ZNF407: variants seen among roughly 807,000 people sequenced by gnomAD.
The protein encoded by ZNF407 is zinc finger protein 407.
Under a neutral mutation model 131.2 loss-of-function variants are expected in ZNF407, and 17 were observed. The ratio of observed to expected loss-of-function variants is 0.13; its 90% CI spans 0.09 to 0.19. The LOEUF (loss-of-function observed/expected upper bound fraction) is 0.19. Among genes scored for constraint, ZNF407 ranks in the 10% least tolerant of loss-of-function variants. The probability of loss-of-function intolerance (pLI) is 1.00; values close to 1 mark genes in which losing one functional copy is unlikely to be tolerated. For missense variants in ZNF407, 2,681 were observed against 2,830.6 expected, an observed-to-expected ratio of 0.95 and a Z score of 1.20; for synonymous variants, 1,156 against 1,062.0, an observed-to-expected ratio of 1.09 and a Z score of -1.72.
chr18:74,917,626 T>C (rs969988101), intron 7 of ZNF407, among the ~76,000 whole-genome samples: 1 of 152,236 alleles, frequency 6.6e-6, no homozygotes, highest in Non-Finnish European at 1.5e-5. Flanking sequence ...GATACTGGCT[T>C]ATTTTTGTCC....
chr18:74,720,054 T>C (rs1295091017), intron 3 of ZNF407, among the ~76,000 whole-genome samples: 1 of 148,400 alleles, frequency 6.7e-6, no homozygotes, highest in Non-Finnish European at 1.5e-5. Flanking sequence ...TCTATTTGTA[T>C]TTTTTTTTTG....
intron 8 of ZNF407, among the ~76,000 whole-genome samples, chr18:74,926,089 A>G (rs558897281): frequency 4.2e-4 from 64 of 152,172 alleles, no homozygotes; most frequent in African/African-American, 1.4e-3. Flanking sequence ...TTAATTTACT[A>G]TTTTTCTTAA....
chr18:74,854,422 T>C (rs1305351524), intron 4 of ZNF407, among the ~76,000 whole-genome samples: 1 of 152,218 alleles, frequency 6.6e-6, no homozygotes, highest in Non-Finnish European at 1.5e-5. Flanking sequence ...TTCATACTTT[T>C]GCTGTAACAA....
In ZNF407 at chr18:74,982,483, G is replaced by GT. The variant is rs144391252; in HGVS notation, c.5428+61793dup. 6.5e-3 allele frequency among the ~76,000 whole-genome samples: 995 copies of GT among 152,320 alleles called. 26 individuals are homozygous for GT. Among genetic ancestry groups the GT allele is most frequent in the Admixed American group, 0.045 (692 of 15,300 alleles). The stretch of plus-strand genomic sequence containing the variant: ...CTGTAATTAGCATTTTCCAGTGACT[G>GT]TTGATTTGGATAAAGTTGCATTCAG... On this transcript the variant is annotated intron_variant, in intron 8 of 8. Transcript: ENST00000299687.
At chr18:74,805,759 T>C (rs928124745) in intron 4 of ZNF407, among the ~76,000 whole-genome samples, 2 of 152,214 alleles carry the variant, frequency 1.3e-5, no homozygotes, top group African/African-American at 2.4e-5. Flanking sequence ...TCAGTATAAA[T>C]TATATCTGCA....
chr18:74,856,752 C>T (rs1970864481), intron 4 of ZNF407, among the ~76,000 whole-genome samples: 1 of 152,134 alleles, frequency 6.6e-6, no homozygotes, highest in Non-Finnish European at 1.5e-5. Context: ...CAAGTTTGAA[C>T]AATGTAATTT....
At chr18:74,820,410 A>G (rs967288488) in intron 4 of ZNF407, among the ~76,000 whole-genome samples, 1 of 152,204 alleles carries the variant, frequency 6.6e-6, no homozygotes, top group Non-Finnish European at 1.5e-5. Context: ...TTCATCAGTC[A>G]GGTCATCTCC....
chr18:74,906,808 C>T (rs141101132), intron 7 of ZNF407, among the ~76,000 whole-genome samples: 36 of 151,736 alleles, frequency 2.4e-4, no homozygotes, highest in African/African-American at 8.2e-4. Context: ...TTTATATGTG[C>T]TTGTATGTCT....
At chr18:74,773,453 T>C (rs1969403066) in intron 3 of ZNF407, among the ~76,000 whole-genome samples, 1 of 144,194 alleles carries the variant, frequency 6.9e-6, no homozygotes. Flanking sequence ...GAAGCCAAGT[T>C]ATTAGAGAGC....
chr18:75,057,020 C>T (rs1283436801), intron 8 of ZNF407, among the ~76,000 whole-genome samples: 2 of 152,142 alleles, frequency 1.3e-5, no homozygotes, highest in Non-Finnish European at 2.9e-5. Context: ...TTAAGAATTG[C>T]AATGTCATGT....
intron 3 of ZNF407, among the ~76,000 whole-genome samples, chr18:74,643,793 C>T (rs745683250): frequency 2.6e-5 from 4 of 151,892 alleles, no homozygotes; most frequent in Non-Finnish European, 4.4e-5. Context: ...TTCATTAACA[C>T]GTAGTTTTAG....
intron 7 of ZNF407, among the ~76,000 whole-genome samples, chr18:74,904,948 A>G (rs1400504486): frequency 6.6e-6 from 1 of 152,242 alleles, no homozygotes; most frequent in Non-Finnish European, 1.5e-5. Context: ...GGCCATTAGC[A>G]GTTGAAGAGT....
intron 4 of ZNF407, among the ~76,000 whole-genome samples, chr18:74,824,608 T>G (rs1223309941): frequency 1.3e-5 from 2 of 151,916 alleles, no homozygotes; most frequent in Admixed American, 6.6e-5. Context: ...AACTAGAAAA[T>G]CTAGCAGAAA....
chr18:74,748,789 A>C (rs1968730006), intron 3 of ZNF407, among the ~76,000 whole-genome samples: 1 of 152,146 alleles, frequency 6.6e-6, no homozygotes, highest in South Asian at 2.1e-4. Flanking sequence ...ATTTCATGGC[A>C]GTTTTACCTG....
At chr18:75,044,521 C>T (rs902953086) in intron 8 of ZNF407, among the ~76,000 whole-genome samples, 2 of 152,034 alleles carry the variant, frequency 1.3e-5, no homozygotes, top group Non-Finnish European at 2.9e-5. Context: ...TTTGTTCTTT[C>T]GTTATGTCTT....
chr18:74,960,883 G>C (rs888323890), intron 8 of ZNF407, among the ~76,000 whole-genome samples: 3 of 150,030 alleles, frequency 2.0e-5, no homozygotes, highest in Non-Finnish European at 4.4e-5. Context: ...GCTGGGTGGA[G>C]GGATAGGAGA....
At chr18:74,795,973 C>G (rs981914190) in intron 4 of ZNF407, among the ~76,000 whole-genome samples, 9 of 152,346 alleles carry the variant, frequency 5.9e-5, no homozygotes, top group Admixed American at 2.0e-4. Context: ...CACACGTGCC[C>G]TTGCAGCACA....
Position 74,641,006 on chromosome 18 carries a change from A to G in ZNF407, c.4688-2A>G. ...ATCATATTTTATGTTAAATTTACTC[A>G]GGATCAAAACCATTCAAGTGCAAGA... On this transcript the variant is annotated splice_acceptor_variant, in intron 2 of 8. Transcript: ENST00000299687. LOFTEE classifies it high-confidence loss of function. 1 of 1,608,350 alleles carries G rather than the reference A, an allele frequency of 6.2e-7. No homozygotes were observed. The highest frequency in any genetic ancestry group is 8.5e-7 in the Non-Finnish European group (1 of 1,174,994).
intron 4 of ZNF407, among the ~76,000 whole-genome samples, chr18:74,870,350 A>T (rs982230210): frequency 6.6e-6 from 1 of 152,222 alleles, no homozygotes; most frequent in Admixed American, 6.5e-5. Flanking sequence ...TCACCTGTTC[A>T]GGGCAAAAAT....
Sources: allele counts gnomAD v4.1 joint callset (sites outside exome capture counted in the v4.1 genomes callset), GRCh38; gene constraint gnomAD v4.1.1; transcripts MANE v1.5; gene names NCBI Gene and HGNC (gene_info 2026-07-23, HGNC 2026-07-21).